Variants in FXR1 observed in about 807,000 individuals in gnomAD.
FXR1 encodes the protein RNA-binding protein FXR1.
In FXR1, 15 loss-of-function variants were observed where a neutral mutation model predicts 84.0. That is an observed-to-expected ratio of 0.18 (90% confidence interval 0.12 to 0.27). The LOEUF is 0.27. FXR1 is among the 10% of genes least tolerant of loss of function. FXR1 has a pLI of 1.00. For synonymous variants in FXR1, 245 were observed against 250.7 expected (o/e 0.98, Z 0.21); for missense variants, 480 against 774.4 (o/e 0.62, Z 4.51).
intron 10 of FXR1, 23 bp downstream of exon 10, chr3:180,957,951 G>C (rs368200929): frequency 2.8e-6 from 3 of 1,089,548 alleles, no homozygotes; most frequent in Non-Finnish European, 4.1e-6. Context: ...AATGTAATCT[G>C]CCTCTTTAAA....
intron 14 of FXR1, among the ~76,000 whole-genome samples, chr3:180,969,330 CTT>C (rs1226673400): frequency 6.6e-6 from 1 of 152,158 alleles, no homozygotes; most frequent in East Asian, 1.9e-4. Context: ...CGCTTAGTGT[CTT>C]TTGCAAAGAT....
chr3:180,970,238 G>C lies in FXR1; in HGVS notation c.1483G>C (p.Glu495Gln). The change falls in exon 15 of 17, where the codon GAA (glutamate) becomes CAA (glutamine). Residue 495 changes from glutamate to glutamine, a missense_variant. Transcript: ENST00000357559. ...TCAGACTGCAGACACTGATGCCAGC[G>C]AATCTCATCACAGTACTAACCGTCG... is the stretch of plus-strand genomic sequence containing the variant. ...SDQTADTDAS[E>Q]SHHSTNRRRR... 1.2e-6 allele frequency: 2 copies of C among 1,600,916 alleles called. No homozygotes were observed. The highest frequency in any genetic ancestry group is 1.7e-6 in the Non-Finnish European group (2 of 1,168,320).
In FXR1 at chr3:180,976,444, AATCAT is replaced by A; in HGVS notation, c.*155_*159del. On this transcript the variant is annotated 3_prime_UTR_variant, in exon 17 of 17. Coordinates refer to ENST00000357559, the MANE Select transcript of FXR1 (RefSeq NM_005087.4). ...TCAAAAAGGGGAGGGATCCTGAAGA[AATCAT>A]ATGTTAAACATACTTTGACACCTAC... The A allele has an allele frequency of 1.8e-6, 1 of 541,350 alleles. No individual in the cohort carries two copies. The highest frequency in any genetic ancestry group is 3.3e-6 in the Non-Finnish European group (1 of 303,480). 33.5% of individuals were successfully genotyped at this position (541,350 alleles called of 1,614,324 possible).
chr3:180,943,313 C>T (rs1364296088), intron 3 of FXR1, among the ~76,000 whole-genome samples: 33 of 117,014 alleles, frequency 2.8e-4, no homozygotes, highest in Non-Finnish European at 6.6e-5. Flanking sequence ...CTTGCTCTGT[C>T]ATCCAGGCTG....
chr3:180,919,735 G>A (rs1262406333), intron 1 of FXR1, among the ~76,000 whole-genome samples: 7 of 151,846 alleles, frequency 4.6e-5, no homozygotes, highest in South Asian at 2.1e-4. Flanking sequence ...GTGCAGTGGC[G>A]CAATCTCAGC....
intron 7 of FXR1, among the ~76,000 whole-genome samples, chr3:180,949,955 TGTC>T (rs2108467533): frequency 2.0e-5 from 3 of 152,338 alleles, no homozygotes; most frequent in African/African-American, 7.2e-5. Flanking sequence ...TTAACTGCCT[TGTC>T]ATCTGTCAGT....
At chr3:180,912,795 G>C (rs1717374824) in intron 1 of FXR1, 59 bp downstream of exon 1, 12 of 1,613,562 alleles carry the variant, frequency 7.4e-6, no homozygotes, top group Non-Finnish European at 8.5e-6. Flanking sequence ...GTTTGAGGGA[G>C]GGTTGGTGGT....
intron 9 of FXR1, among the ~76,000 whole-genome samples, chr3:180,955,280 T>C (rs1722639254): frequency 6.6e-6 from 1 of 152,174 alleles, no homozygotes; most frequent in Non-Finnish European, 1.5e-5. Flanking sequence ...ATTACAGGCG[T>C]GATCCACCGC....
intron 1 of FXR1, among the ~76,000 whole-genome samples, chr3:180,924,061 T>C (rs1162225831): frequency 6.6e-6 from 1 of 152,038 alleles, no homozygotes; most frequent in African/African-American, 2.4e-5. Context: ...CGGGTTCAAG[T>C]GATTCTCCTC....
At chr3:180,917,205 A>G (rs1050065664) in intron 1 of FXR1, among the ~76,000 whole-genome samples, 1 of 152,190 alleles carries the variant, frequency 6.6e-6, no homozygotes, top group Non-Finnish European at 1.5e-5. Flanking sequence ...TCAAAGTACT[A>G]TATTTCTATA....
intron 3 of FXR1, among the ~76,000 whole-genome samples, chr3:180,947,056 A>G (rs1016947399): frequency 3.3e-5 from 5 of 151,828 alleles, no homozygotes; most frequent in Non-Finnish European, 5.9e-5. Context: ...GATAGTTTTT[A>G]TTTTGTTTTT....
intron 1 of FXR1, among the ~76,000 whole-genome samples, chr3:180,925,998 C>T (rs900491209): frequency 6.6e-6 from 1 of 152,222 alleles, no homozygotes; most frequent in African/African-American, 2.4e-5. Context: ...AGCCCAGTGT[C>T]TCTAATAAAG....
intron 1 of FXR1, among the ~76,000 whole-genome samples, chr3:180,926,501 TA>T (rs10715870): frequency 0.14 from 10,768 of 78,260 alleles, 506 homozygotes; most frequent in Middle Eastern, 0.19. Flanking sequence ...TATATATATA[TA>T]TATATTTTTT....
chr3:180,956,645 G>T (rs893894348), intron 9 of FXR1, among the ~76,000 whole-genome samples: 1 of 152,026 alleles, frequency 6.6e-6, no homozygotes, highest in Non-Finnish European at 1.5e-5. Flanking sequence ...ATGTGCTGCT[G>T]CTAGGGCTGC....
intron 16 of FXR1, among the ~76,000 whole-genome samples, 167 bp from the exon 17 acceptor site, chr3:180,975,955 T>G (rs542060643): frequency 6.6e-6 from 1 of 152,340 alleles, no homozygotes; most frequent in South Asian, 2.1e-4. Context: ...TAGAGTGGAA[T>G]ACTTTGTTAT....
chr3:180,931,038 A>T (rs936380064), intron 1 of FXR1, among the ~76,000 whole-genome samples: 1 of 150,776 alleles, frequency 6.6e-6, no homozygotes, highest in African/African-American at 2.4e-5. Flanking sequence ...AAAAAAAAAA[A>T]AAAAAAAAAG....
chr3:180,920,027 C>T (rs1290002315), intron 1 of FXR1, among the ~76,000 whole-genome samples: 1 of 152,142 alleles, frequency 6.6e-6, no homozygotes, highest in Non-Finnish European at 1.5e-5. Context: ...CTATCTTCAG[C>T]GTTTTTTGCT....
Position 180,932,075 on chromosome 3 carries a change from C to CAAAAA in FXR1, c.52-1248_52-1244dup, listed in dbSNP as rs4042648. Among the ~76,000 whole-genome samples, 309 of 79,110 alleles carry CAAAAA rather than the reference C, an allele frequency of 3.9e-3. 8 individuals are homozygous for CAAAAA. Among genetic ancestry groups the CAAAAA allele is most frequent in the African/African-American group, 0.012 (272 of 22,960 alleles). The allele number at this position is 79,110 out of a possible 152,430, so 51.9% of individuals were successfully genotyped here. A position where few individuals can be genotyped will look rare whatever the true frequency, so the allele number is the denominator to read the frequency against. The stretch of plus-strand genomic sequence containing the variant: ...CTTCTTCCATTTACTTTGTAAGTTT[C>CAAAAA]AAAAAAAAAAAAAAACAACTTTTTT... On this transcript the variant is annotated intron_variant, in intron 1 of 16. Transcript: ENST00000357559.
intron 1 of FXR1, among the ~76,000 whole-genome samples, chr3:180,920,169 T>C (rs1718408812): frequency 6.6e-6 from 1 of 152,178 alleles, no homozygotes; most frequent in Admixed American, 6.5e-5. Context: ...CCTGAATTCC[T>C]TTCTTAATCT....
Sources: allele counts gnomAD v4.1 joint callset (sites outside exome capture counted in the v4.1 genomes callset), GRCh38; gene constraint gnomAD v4.1.1; transcripts MANE v1.5; gene names NCBI Gene and HGNC (gene_info 2026-07-23, HGNC 2026-07-21).